SFXN2: variants seen among roughly 807,000 people sequenced by gnomAD.
SFXN2 encodes sideroflexin-2.
SFXN2 carries 37 observed loss-of-function variants against 41.9 expected under a neutral mutation model. That is an observed-to-expected ratio of 0.88 (90% CI 0.68 to 1.16). The LOEUF is 1.16. Ranked by LOEUF, SFXN2 falls within the 50% of genes most tolerant of loss-of-function variation. The pLI is 0.00. For synonymous variants in SFXN2, 150 were observed against 156.7 expected (o/e 0.96, Z 0.32); for missense variants, 386 against 425.2 (o/e 0.91, Z 0.81).
chr10:102,737,846 C>A lies in SFXN2; in HGVS notation c.*84C>A. On this transcript the variant is annotated 3_prime_UTR_variant, in exon 12 of 12. Coordinates refer to ENST00000369893, the MANE Select transcript of SFXN2 (RefSeq NM_178858.6). ...CGTGCACACTTGTGTCCTCCTTCCC[C>A]TTTGCCAACAAGGCCTGAAGGCCAG... 1.0e-6 allele frequency: 1 copy of A among 991,440 alleles called. No homozygotes were observed. Among genetic ancestry groups the A allele is most frequent in the Non-Finnish European group, 1.5e-6 (1 of 649,296 alleles). 61.4% of individuals were successfully genotyped at this position (991,440 alleles called of 1,614,324 possible).
At chr10:102,722,542 G>A (rs1201400385) in intron 1 of SFXN2, among the ~76,000 whole-genome samples, 1 of 152,122 alleles carries the variant, frequency 6.6e-6, no homozygotes, top group Non-Finnish European at 1.5e-5. Context: ...TTGTTTGTTA[G>A]TGTTTTTTCC....
In SFXN2 at chr10:102,727,078, A is replaced by T. The variant is rs762440653; in HGVS notation, c.253A>T (p.Lys85Ter). Residue 85 changes from lysine to a stop codon, truncating the protein, a stop_gained, in exon 3 of 12, where the codon AAG becomes TAG. Coordinates refer to ENST00000369893, the MANE Select transcript of SFXN2 (RefSeq NM_178858.6). LOFTEE classifies it high-confidence loss of function. ...DSAFHPDTGEKMNVIGRMSFQ... is the reference protein window; with the variant it reads ...DSAFHPDTGE ...GGCCTTCCACCCCGACACTGGGGAG[A>T]AGATGAATGTCATCGGGCGCATGTC... 3 of 1,611,136 alleles carry T rather than the reference A, an allele frequency of 1.9e-6. No homozygotes were observed. The South Asian group carries it at 3.3e-5, about 18-fold the overall frequency.
At chr10:102,716,870 C>G (rs191795431) in intron 1 of SFXN2, among the ~76,000 whole-genome samples, 185 of 152,038 alleles carry the variant, frequency 1.2e-3, no homozygotes, top group African/African-American at 4.0e-3. Context: ...TGCCAGGCCT[C>G]GGAGTTGGCA....
In SFXN2 at chr10:102,734,875, T is replaced by C. The variant is rs2064752409; in HGVS notation, c.822-987T>C. 6.6e-6 allele frequency among the ~76,000 whole-genome samples: 1 copy of C among 152,274 alleles called. No individual in the cohort carries two copies. ...GCATCGTTGGCATCCTCTGATAACTTGTTAGAAGTAAAGACTCTGAAGTCC... is the reference window on the plus strand; with the variant it reads ...GCATCGTTGGCATCCTCTGATAACTCGTTAGAAGTAAAGACTCTGAAGTCC... On this transcript the variant is annotated intron_variant, in intron 10 of 11. Transcript: ENST00000369893. This position sits in a 1 kb window ranked among gnomAD's most constrained non-coding sequence, Gnocchi z 4.1.
intron 1 of SFXN2, chr10:102,715,338 T>G (rs2064392985): frequency 6.5e-6 from 1 of 152,876 alleles, no homozygotes; most frequent in Admixed American, 6.5e-5. Context: ...GGTGAGCCAC[T>G]GTGCCCAGCC....
At chr10:102,727,216 G>A (rs2064614857) in intron 3 of SFXN2, 59 bp downstream of exon 3, 1 of 1,532,052 alleles carries the variant, frequency 6.5e-7, no homozygotes, top group Non-Finnish European at 8.9e-7. Flanking sequence ...TGGTCAGGGA[G>A]CCATACTATG....
Position 102,734,273 on chromosome 10 carries a change from G to A in SFXN2, c.821+670G>A, listed in dbSNP as rs1024169527. Among the ~76,000 whole-genome samples, 6 of 152,122 alleles carry A rather than the reference G, an allele frequency of 3.9e-5. No individual in the cohort carries two copies. The highest frequency in any genetic ancestry group is 7.4e-5 in the Non-Finnish European group (5 of 68,018). ...ACAGGAGGGAAATGCCACCAGTCAC[G>A]TCAGGGTTCTTAGGTATCTGCCATT... On this transcript the variant is annotated intron_variant, in intron 10 of 11. Transcript: ENST00000369893. The surrounding 1 kb of genome is among the most constrained non-coding windows in gnomAD (Gnocchi z 4.1).
At position 102,720,102 on chromosome 10, in the gene SFXN2, C is replaced by G. The variant is rs1417631275; in HGVS notation, c.-26+5421C>G. Among the ~76,000 whole-genome samples the G allele has an allele frequency of 4.6e-5, 7 of 151,980 alleles. No individual in the cohort carries two copies. The East Asian group carries it at 1.4e-3, about 29-fold the overall frequency. The stretch of plus-strand genomic sequence containing the variant: ...GGTCAGGAGATCGAGACCATCCTGG[C>G]TAACACGGTGAAACCGCGTCTCTAC... On this transcript the variant is annotated intron_variant, in intron 1 of 11. Coordinates refer to ENST00000369893, the MANE Select transcript of SFXN2 (RefSeq NM_178858.6).
Position 102,737,868 on chromosome 10 carries a change from C to A in SFXN2, c.*106C>A. ...CCCCTTTGCCAACAAGGCCTGAAGG[C>A]CAGGGTAGATTGGGGGGTGGGACAA... On this transcript the variant is annotated 3_prime_UTR_variant, in exon 12 of 12. Coordinates refer to ENST00000369893, the MANE Select transcript of SFXN2 (RefSeq NM_178858.6). The A allele has an allele frequency of 1.3e-6, 1 of 743,788 alleles. No individual in the cohort carries two copies. The highest frequency in any genetic ancestry group is 2.2e-6 in the Non-Finnish European group (1 of 446,378). The allele number at this position is 743,788 out of a possible 1,614,324, so 46.1% of individuals were successfully genotyped here.
Position 102,727,538 on chromosome 10 carries a change from C to T in SFXN2, c.332+381C>T, listed in dbSNP as rs879263255. 16 of 170,792 alleles carry T rather than the reference C, an allele frequency of 9.4e-5. No individual in the cohort carries two copies. The Admixed American group carries it at 1.0e-3, about 11-fold the overall frequency. 10.6% of individuals were successfully genotyped at this position (170,792 alleles called of 1,614,324 possible). ...TGATTTTAATTATGTAACACCCAAACAAAACAATAGGAAGTCCCTTTCTTG... is the reference window on the plus strand; with the variant it reads ...TGATTTTAATTATGTAACACCCAAATAAAACAATAGGAAGTCCCTTTCTTG... On this transcript the variant is annotated intron_variant, in intron 3 of 11. Transcript: ENST00000369893.
chr10:102,730,090 G>A (rs1187085285), intron 6 of SFXN2, among the ~76,000 whole-genome samples: 2 of 152,168 alleles, frequency 1.3e-5, no homozygotes, highest in Admixed American at 6.5e-5. Flanking sequence ...ACTGGATCAT[G>A]TCCTTTTGGA....
chr10:102,738,877 C>T lies in SFXN2; in HGVS notation c.*1115C>T, dbSNP rs143711301. On this transcript the variant is annotated 3_prime_UTR_variant, in exon 12 of 12. Coordinates refer to ENST00000369893, the MANE Select transcript of SFXN2 (RefSeq NM_178858.6). Reference sequence around the variant, plus strand: ...TATAATTTCCTGGCTGCCTCCCTTCCTCAGCCCATTAGGTTAAACACCAAA... The same window carrying T: ...TATAATTTCCTGGCTGCCTCCCTTCTTCAGCCCATTAGGTTAAACACCAAA... The T allele has an allele frequency of 6.5e-6, 1 of 152,768 alleles. No homozygotes were observed. The highest frequency in any genetic ancestry group is 2.4e-5 in the African/African-American group (1 of 41,564). The allele number at this position is 152,768 out of a possible 1,614,324, so 9.5% of individuals were successfully genotyped here.
In SFXN2 at chr10:102,732,875, C is replaced by T; in HGVS notation, c.738C>T (p.Ile246=). 1 of 1,614,148 alleles carries T rather than the reference C, an allele frequency of 6.2e-7. No individual in the cohort carries two copies. Among genetic ancestry groups the T allele is most frequent in the South Asian group, 1.1e-5 (1 of 91,080 alleles). The part of the protein sequence containing the change: ...SAPGMILLPV[I]MERLEKLHFM... ...CTCTTCCAGTCTTGCTGCCAGTCAT[C>T]ATGGAAAGGCTTGAGAAATTGCACT... is the stretch of plus-strand genomic sequence containing the variant. The change falls in exon 9 of 12, where the codon ATC becomes ATT. Residue 246 remains isoleucine (I), a synonymous_variant. Coordinates refer to ENST00000369893, the MANE Select transcript of SFXN2 (RefSeq NM_178858.6).
chr10:102,728,497 C>G lies in SFXN2; in HGVS notation c.399C>G (p.Thr133=). 1.9e-6 allele frequency: 3 copies of G among 1,613,800 alleles called. No homozygotes were observed. Among genetic ancestry groups the G allele is most frequent in the Non-Finnish European group, 2.5e-6 (3 of 1,179,880 alleles). Residue 133 remains threonine, a synonymous_variant, in exon 4 of 12, where the codon ACC becomes ACG. Transcript: ENST00000369893. ...NQSFNALVNY[T]NRNAASPTSV... ...CCTTCAATGCCTTAGTCAACTACAC[C>G]AACAGGAATGCGGCTTCCCCCACAT...
In SFXN2 at chr10:102,733,598, G is replaced by A. The variant is rs1279099259; in HGVS notation, c.816G>A (p.Gly272=). 6.2e-7 allele frequency: 1 copy of A among 1,613,916 alleles called. No individual in the cohort carries two copies. Among genetic ancestry groups the A allele is most frequent in the Non-Finnish European group, 8.5e-7 (1 of 1,179,800 alleles). Residue 272 remains glycine (G), a synonymous_variant, in exon 10 of 12, where the codon GGG becomes GGA. Transcript: ENST00000369893. The part of the protein sequence containing the change: ...LHAPLQVMLS[G]CFLIFMVPVA... ...CCCCATTGCAGGTCATGCTGAGCGG[G>A]TGCTTGTAAGTATCATATTTTGATG...
chr10:102,717,725 AAG>A (rs1255855426), intron 1 of SFXN2: 4 of 984,448 alleles, frequency 4.1e-6, no homozygotes, highest in Non-Finnish European at 4.8e-6. Flanking sequence ...TTTGACTTAA[AAG>A]AGGTGACATC....
intron 1 of SFXN2, among the ~76,000 whole-genome samples, chr10:102,721,668 T>C (rs903309387): frequency 6.7e-6 from 1 of 149,278 alleles, no homozygotes; most frequent in Non-Finnish European, 1.5e-5. Flanking sequence ...TATACAAATA[T>C]ATTTTAGAAA....
chr10:102,726,294 C>T (rs1174679097), intron 1 of SFXN2, among the ~76,000 whole-genome samples: 1 of 152,202 alleles, frequency 6.6e-6, no homozygotes, highest in Non-Finnish European at 1.5e-5. Context: ...CTGCCAGAAA[C>T]ACCTGGGGGT....
chr10:102,732,153 G>A lies in SFXN2; in HGVS notation c.656G>A (p.Arg219Lys). 1 of 1,613,772 alleles carries A rather than the reference G, an allele frequency of 6.2e-7. No homozygotes were observed. Among genetic ancestry groups the A allele is most frequent in the Non-Finnish European group, 8.5e-7 (1 of 1,179,816 alleles). ...CAACTTACTATTTTCTGCCCTCAGA[G>A]AGCTGCGGCCATAGGCATCACCCAA... ...RNENEIGHSRRAAAIGITQVV... is the reference protein window; with the variant it reads ...RNENEIGHSRKAAAIGITQVV... The change falls in exon 8 of 12, where the codon AGA becomes AAA. Residue 219 changes from arginine (R) to lysine (K), a missense_variant and splice_region_variant. Transcript: ENST00000369893.
Sources: allele counts gnomAD v4.1 joint callset (sites outside exome capture counted in the v4.1 genomes callset), GRCh38; gene constraint gnomAD v4.1.1; non-coding constraint Gnocchi (gnomAD v3.1); transcripts MANE v1.5; gene names NCBI Gene and HGNC (gene_info 2026-07-23, HGNC 2026-07-21).